Variants in EPHA6 observed in about 807,000 individuals in gnomAD.
EPHA6 encodes the protein EPH receptor A6.
Under a neutral mutation model 112.0 loss-of-function variants are expected in EPHA6, and 50 were observed. The ratio of observed to expected loss-of-function variants is 0.45; its 90% CI spans 0.36 to 0.56. The LOEUF is 0.56. EPHA6 is among the 20% of genes least tolerant of loss of function. The pLI is 0.00. For synonymous variants in EPHA6, 529 were observed against 490.7 expected (o/e 1.08, Z -1.03); for missense variants, 1,280 against 1,417.4 (o/e 0.90, Z 1.56).
chr3:97,498,856 C>G (rs2092048363), intron 10 of EPHA6, among the ~76,000 whole-genome samples: 1 of 152,196 alleles, frequency 6.6e-6, no homozygotes, highest in South Asian at 2.1e-4. Flanking sequence ...TATCCTCCCC[C>G]AACCCTTCAT....
At chr3:97,686,246 G>A (rs78400050) in intron 14 of EPHA6, among the ~76,000 whole-genome samples, 12,324 of 152,100 alleles carry the variant, frequency 0.081, 805 homozygotes, top group African/African-American at 0.19. Context: ...AGATTAAAGG[G>A]TCAGCTATTG....
intron 1 of EPHA6, among the ~76,000 whole-genome samples, chr3:96,852,906 T>C (rs886222353): frequency 1.8e-4 from 28 of 152,118 alleles, no homozygotes; most frequent in African/African-American, 6.3e-4. Context: ...AAAGATAATA[T>C]CATCCATTTC....
intron 10 of EPHA6, among the ~76,000 whole-genome samples, chr3:97,484,999 G>A (rs1468832106): frequency 6.6e-6 from 1 of 152,242 alleles, no homozygotes; most frequent in Admixed American, 6.5e-5. Flanking sequence ...ATTGCCGACA[G>A]CTGCCATGCA....
chr3:96,964,124 C>T (rs1033731360), intron 2 of EPHA6, among the ~76,000 whole-genome samples: 1 of 151,982 alleles, frequency 6.6e-6, no homozygotes, highest in African/African-American at 2.4e-5. Flanking sequence ...GATGGGGTAT[C>T]CATCCACCCC....
chr3:97,304,146 A>G (rs1233516712), intron 5 of EPHA6, among the ~76,000 whole-genome samples: 2 of 151,994 alleles, frequency 1.3e-5, no homozygotes, highest in African/African-American at 4.8e-5. Context: ...TTTTGGGCTG[A>G]GACAATGGGG....
chr3:96,935,240 G>A (rs1399916935), intron 2 of EPHA6, among the ~76,000 whole-genome samples: 2 of 151,730 alleles, frequency 1.3e-5, no homozygotes, highest in Non-Finnish European at 3.0e-5. Context: ...CTGAGGAATA[G>A]TTCATACTGG....
chr3:97,124,597 A>G (rs1447156487), intron 3 of EPHA6, among the ~76,000 whole-genome samples: 3 of 152,172 alleles, frequency 2.0e-5, no homozygotes, highest in Non-Finnish European at 4.4e-5. Context: ...GAGCGAGGTT[A>G]GTAAATACCT....
intron 2 of EPHA6, among the ~76,000 whole-genome samples, chr3:96,889,091 T>C (rs1296053156): frequency 6.6e-6 from 1 of 152,160 alleles, no homozygotes; most frequent in East Asian, 1.9e-4. Flanking sequence ...TTTGCTCTAG[T>C]TCCCAACAAG....
intron 10 of EPHA6, among the ~76,000 whole-genome samples, chr3:97,492,441 C>A (rs2091866349): frequency 1.3e-5 from 2 of 150,564 alleles, no homozygotes; most frequent in African/African-American, 2.4e-5. Flanking sequence ...ACTCAGAAGG[C>A]TGAGGCAGGA....
chr3:97,356,686 C>A (rs2084094095), intron 5 of EPHA6, among the ~76,000 whole-genome samples: 1 of 152,080 alleles, frequency 6.6e-6, no homozygotes, highest in African/African-American at 2.4e-5. Context: ...ACAATGTTTT[C>A]TGATCTGTTG....
intron 3 of EPHA6, among the ~76,000 whole-genome samples, chr3:97,037,403 G>A (rs1289572984): frequency 6.6e-6 from 1 of 151,978 alleles, no homozygotes; most frequent in African/African-American, 2.4e-5. Flanking sequence ...ACATGAAAGG[G>A]CTACTAATAA....
chr3:96,852,067 A>G (rs757235742), intron 1 of EPHA6, among the ~76,000 whole-genome samples: 4 of 152,178 alleles, frequency 2.6e-5, no homozygotes, highest in Non-Finnish European at 5.9e-5. Flanking sequence ...ATCATTATTA[A>G]TGGTGATATG....
chr3:97,194,625 T>C (rs542120766), intron 3 of EPHA6, among the ~76,000 whole-genome samples: 3 of 146,606 alleles, frequency 2.0e-5, no homozygotes, highest in African/African-American at 7.6e-5. Flanking sequence ...TTGTTGTTGA[T>C]TTTCTGTCTG....
At chr3:97,517,181 A>G (rs1461521373) in intron 10 of EPHA6, among the ~76,000 whole-genome samples, 1 of 152,176 alleles carries the variant, frequency 6.6e-6, no homozygotes, top group African/African-American at 2.4e-5. Flanking sequence ...AGTGTTGTGT[A>G]GTAAGTATAT....
intron 11 of EPHA6, among the ~76,000 whole-genome samples, chr3:97,540,957 G>T (rs998077620): frequency 6.6e-6 from 1 of 152,120 alleles, no homozygotes. Flanking sequence ...TCGCATCCAG[G>T]AATTCAGGAG....
At chr3:97,048,423 A>G (rs2045582157) in intron 3 of EPHA6, among the ~76,000 whole-genome samples, 1 of 152,226 alleles carries the variant, frequency 6.6e-6, no homozygotes, top group Non-Finnish European at 1.5e-5. Flanking sequence ...TAGGGATCAA[A>G]TTAAAATTAT....
intron 2 of EPHA6, among the ~76,000 whole-genome samples, chr3:96,873,001 G>A (rs578072739): frequency 1.3e-5 from 2 of 151,828 alleles, no homozygotes; most frequent in Middle Eastern, 3.4e-3. Flanking sequence ...AAACTGTTGG[G>A]TTTCTGCTTC....
At chr3:97,312,115 T>A (rs964623770) in intron 5 of EPHA6, among the ~76,000 whole-genome samples, 1 of 151,668 alleles carries the variant, frequency 6.6e-6, no homozygotes, top group Admixed American at 6.6e-5. Context: ...ATACAACAGA[T>A]TTTTGCACAT....
chr3:97,364,250 G>A (rs1297485395), intron 5 of EPHA6, among the ~76,000 whole-genome samples: 1 of 151,920 alleles, frequency 6.6e-6, no homozygotes, highest in Non-Finnish European at 1.5e-5. Flanking sequence ...AAAGCCAGAA[G>A]GGAGTCTAAT....
Sources: allele counts gnomAD v4.1 joint callset (sites outside exome capture counted in the v4.1 genomes callset), GRCh38; gene constraint gnomAD v4.1.1; transcripts MANE v1.5; gene names NCBI Gene and HGNC (gene_info 2026-07-23, HGNC 2026-07-21).